Variants in MITF observed in about 807,000 individuals in gnomAD.
MITF encodes the protein microphthalmia-associated transcription factor.
Under a neutral mutation model 60.5 loss-of-function variants are expected in MITF, and 17 were observed. The observed-to-expected ratio is 0.28, with a 90% CI of 0.19 to 0.42. The LOEUF (loss-of-function observed/expected upper bound fraction) is 0.42. MITF is among the 10% of genes least tolerant of loss of function. The pLI is 1.00. For synonymous variants in MITF, 260 were observed against 248.5 expected (o/e 1.05, Z -0.43); for missense variants, 622 against 683.5 (o/e 0.91, Z 1.00).
intron 1 of MITF, among the ~76,000 whole-genome samples, chr3:69,876,709 G>A (rs1192732851): frequency 1.3e-5 from 2 of 152,170 alleles, no homozygotes. Context: ...GAGGGTTTGT[G>A]TTTTCTGGAA....
rs200819630 is a variant in MITF at position 69,959,405 on chromosome 3, G to A, written c.1164G>A (p.Leu388=). 6.2e-7 allele frequency: 1 copy of A among 1,613,912 alleles called. No individual in the cohort carries two copies. The highest frequency in any genetic ancestry group is 8.5e-7 in the Non-Finnish European group (1 of 1,179,862). ...QKKLEHANRH[L]LLRIQELEMQ... ...AACTGGAGCACGCCAACCGGCATTTGTTGCTCAGAATACAGGTACGCAGCC... is the reference window on the plus strand; with the variant it reads ...AACTGGAGCACGCCAACCGGCATTTATTGCTCAGAATACAGGTACGCAGCC... Residue 388 remains leucine, a synonymous_variant, in exon 9 of 10, where the codon TTG becomes TTA. Coordinates refer to ENST00000352241, the MANE Select transcript of MITF (RefSeq NM_001354604.2).
chr3:69,893,106 T>C (rs2064795603), intron 2 of MITF, among the ~76,000 whole-genome samples: 1 of 152,152 alleles, frequency 6.6e-6, no homozygotes, highest in Admixed American at 6.6e-5. Flanking sequence ...TGAAGTGCAC[T>C]TTTCTTCCAC....
chr3:69,907,123 C>T (rs998905050), intron 2 of MITF, among the ~76,000 whole-genome samples: 2 of 152,144 alleles, frequency 1.3e-5, no homozygotes, highest in Admixed American at 6.5e-5. Context: ...CCCTTTCCCT[C>T]CATAATCTTG....
At chr3:69,810,879 G>A (rs1368040418) in intron 1 of MITF, among the ~76,000 whole-genome samples, 1 of 152,166 alleles carries the variant, frequency 6.6e-6, no homozygotes, top group Non-Finnish European at 1.5e-5. Context: ...CATGATAGAT[G>A]ATCAATAAAT....
intron 2 of MITF, chr3:69,936,460 A>G (rs1392785201): frequency 3.4e-6 from 2 of 581,154 alleles, no homozygotes; most frequent in African/African-American, 3.8e-5. Context: ...CCAGGGGGAA[A>G]AATTGATATC....
At chr3:69,850,744 C>A (rs1183317725) in intron 1 of MITF, among the ~76,000 whole-genome samples, 1 of 152,184 alleles carries the variant, frequency 6.6e-6, no homozygotes, top group Non-Finnish European at 1.5e-5. Context: ...GACAGTGGCT[C>A]AGGCTCCCCA....
intron 1 of MITF, among the ~76,000 whole-genome samples, chr3:69,751,093 A>G (rs1021959803): frequency 6.6e-6 from 1 of 152,204 alleles, no homozygotes; most frequent in Non-Finnish European, 1.5e-5. Context: ...TCTACACTCT[A>G]AAAGTGTGAA....
chr3:69,964,839 T>A lies in MITF; in HGVS notation c.1180-8T>A, dbSNP rs1046824933. On this transcript the variant is annotated splice_polypyrimidine_tract_variant and splice_region_variant and intron_variant, in intron 9 of 9. Transcript: ENST00000352241. ...TATTTCAGTGTTTTATCTTTACTCT[T>A]ATTATAGGAACTTGAAATGCAGGCT... 2.5e-6 allele frequency: 4 copies of A among 1,613,900 alleles called. No homozygotes were observed. The highest frequency in any genetic ancestry group is 3.4e-6 in the Non-Finnish European group (4 of 1,179,822).
intron 2 of MITF, among the ~76,000 whole-genome samples, chr3:69,905,883 T>C (rs540583244): frequency 6.6e-6 from 1 of 152,278 alleles, no homozygotes; most frequent in Admixed American, 6.5e-5. Flanking sequence ...TTGTTCTGGA[T>C]CTATCATATG....
intron 1 of MITF, among the ~76,000 whole-genome samples, chr3:69,758,434 G>A (rs2062163197): frequency 6.6e-6 from 1 of 152,076 alleles, no homozygotes; most frequent in Admixed American, 6.5e-5. Context: ...GAGTCCCAAA[G>A]CACTGTGATT....
intron 1 of MITF, among the ~76,000 whole-genome samples, chr3:69,876,067 AT>A (rs574707866): frequency 1.3e-5 from 2 of 151,078 alleles, no homozygotes; most frequent in Admixed American, 6.6e-5. Flanking sequence ...ATACATACGT[AT>A]TTTTTTTTCA....
Position 69,755,433 on chromosome 3 carries a change from G to GTTTTTTTTTTTTTTTTTTTTTTTT in MITF, c.104+15747_104+15770dup, listed in dbSNP as rs542141862. 8.5e-5 allele frequency among the ~76,000 whole-genome samples: 3 copies of GTTTTTTTTTTTTTTTTTTTTTTTT among 35,396 alleles called. 1 individual carries two copies. The highest frequency in any genetic ancestry group is 2.8e-4 in the African/African-American group (2 of 7,236). 23.2% of individuals were successfully genotyped at this position (35,396 alleles called of 152,430 possible). A position where few individuals can be genotyped will look rare whatever the true frequency, so the allele number is the denominator to read the frequency against. On this transcript the variant is annotated intron_variant, in intron 1 of 9. Transcript: ENST00000352241. Reference sequence around the variant, plus strand: ...ATCTTTGTATCTTTTACCCTTCTGGGTTTTTTTTTTTTTTTTTTTTTTTTT... The same window carrying GTTTTTTTTTTTTTTTTTTTTTTTT: ...ATCTTTGTATCTTTTACCCTTCTGGGTTTTTTTTTTTTTTTTTTTTTTTTTTTTTTTTTTTTTTTTTTTTTTTTT...
At chr3:69,741,354 G>A (rs547737936) in intron 1 of MITF, among the ~76,000 whole-genome samples, 1 of 152,266 alleles carries the variant, frequency 6.6e-6, no homozygotes, top group Non-Finnish European at 1.5e-5. Flanking sequence ...ATGAGTGTGT[G>A]TGTGGAATCC....
Position 69,829,613 on chromosome 3 carries a change from G to T in MITF, c.105-49521G>T, listed in dbSNP as rs1282215251. Among the ~76,000 whole-genome samples, 9 of 152,010 alleles carry T rather than the reference G, an allele frequency of 5.9e-5. No homozygotes were observed. In the East Asian group the frequency reaches 9.7e-4, roughly 16 times the overall value. ...AAAAAACAGTTCTTGATTTATTTTA[G>T]CTAATATGAAAAGAACTCAAATATA... On this transcript the variant is annotated intron_variant, in intron 1 of 9. Coordinates refer to ENST00000352241, the MANE Select transcript of MITF (RefSeq NM_001354604.2).
At chr3:69,743,010 G>A (rs1020691853) in intron 1 of MITF, among the ~76,000 whole-genome samples, 4 of 152,102 alleles carry the variant, frequency 2.6e-5, no homozygotes, top group African/African-American at 9.7e-5. Flanking sequence ...AAGGGAACAG[G>A]GTTTTCTGTT....
chr3:69,752,752 C>A (rs1008224115), intron 1 of MITF, among the ~76,000 whole-genome samples: 1 of 152,158 alleles, frequency 6.6e-6, no homozygotes, highest in Non-Finnish European at 1.5e-5. Flanking sequence ...GCACAATCCC[C>A]TTGGTCCTGT....
chr3:69,845,771 C>T (rs1479506529), intron 1 of MITF, among the ~76,000 whole-genome samples: 1 of 152,090 alleles, frequency 6.6e-6, no homozygotes, highest in African/African-American at 2.4e-5. Flanking sequence ...ATTGTTGGTC[C>T]ACCACCCAAG....
At chr3:69,895,701 G>A (rs2064858403) in intron 2 of MITF, among the ~76,000 whole-genome samples, 1 of 151,922 alleles carries the variant, frequency 6.6e-6, no homozygotes. Flanking sequence ...ACAGGTGAAG[G>A]GGGATTTACA....
At chr3:69,814,771 A>C (rs1003199773) in intron 1 of MITF, among the ~76,000 whole-genome samples, 2 of 152,138 alleles carry the variant, frequency 1.3e-5, no homozygotes, top group Non-Finnish European at 2.9e-5. Flanking sequence ...GCAAGCTTCC[A>C]GGTGTCCCCT....
Sources: gnomAD v4.1 joint callset for allele counts (sites outside exome capture counted in the v4.1 genomes callset) on GRCh38, gnomAD v4.1.1 for gene constraint, MANE v1.5 for transcripts, NCBI Gene and HGNC (gene_info 2026-07-23, HGNC 2026-07-21) for gene names.